The following KDM2B variants were observed in gnomAD, a reference collection of about 807,000 sequenced individuals.
KDM2B encodes the protein lysine demethylase 2B.
In KDM2B, 26 loss-of-function variants were observed where a neutral mutation model predicts 150.0. The observed-to-expected ratio is 0.17, with a 90% confidence interval of 0.13 to 0.24. KDM2B has a LOEUF of 0.24. Among genes scored for constraint, KDM2B ranks in the 10% least tolerant of loss-of-function variants. The pLI, the probability that KDM2B is intolerant of heterozygous loss-of-function variation, is 1.00. For synonymous variants in KDM2B, 734 were observed against 729.5 expected (o/e 1.01, Z -0.10); for missense variants, 1,265 against 1,816.9 (o/e 0.70, Z 5.52).
intron 9 of KDM2B, chr12:121,516,493 T>C: frequency 7.3e-7 from 1 of 1,378,598 alleles, no homozygotes; most frequent in Non-Finnish European, 9.5e-7. Flanking sequence ...CTTCCACCCT[T>C]CGCCTTCAAA....
chr12:121,578,125 G>T (rs1891632705), intron 2 of KDM2B, among the ~76,000 whole-genome samples: 1 of 152,214 alleles, frequency 6.6e-6, no homozygotes, highest in Non-Finnish European at 1.5e-5. Context: ...CTGAAGGGAA[G>T]TCACCCCCTG....
At chr12:121,528,848 G>A (rs973617574) in intron 8 of KDM2B, among the ~76,000 whole-genome samples, 1 of 152,126 alleles carries the variant, frequency 6.6e-6, no homozygotes, top group Non-Finnish European at 1.5e-5. Flanking sequence ...AGCTGAGATC[G>A]TGCCACTGCA....
chr12:121,560,440 T>C (rs1156372180), intron 4 of KDM2B, among the ~76,000 whole-genome samples: 4 of 152,040 alleles, frequency 2.6e-5, no homozygotes, highest in African/African-American at 9.7e-5. Context: ...TACACATAAA[T>C]AAAAACAAAA....
At chr12:121,478,279 C>T (rs1473588937) in intron 12 of KDM2B, among the ~76,000 whole-genome samples, 5 of 151,608 alleles carry the variant, frequency 3.3e-5, no homozygotes, top group African/African-American at 4.9e-5. Context: ...TTCGCCACTC[C>T]GGTAGTAAGC....
chr12:121,482,856 G>A (rs1260288704), intron 12 of KDM2B, among the ~76,000 whole-genome samples: 1 of 152,138 alleles, frequency 6.6e-6, no homozygotes, highest in Non-Finnish European at 1.5e-5. Flanking sequence ...TTGACAGGAT[G>A]CAAAAATGAA....
chr12:121,439,226 C>T (rs900646029), intron 22 of KDM2B, among the ~76,000 whole-genome samples: 12 of 152,146 alleles, frequency 7.9e-5, no homozygotes, highest in African/African-American at 2.9e-4. Flanking sequence ...CCCCCACTGT[C>T]TCAACACCCT....
At position 121,453,046 on chromosome 12, in the gene KDM2B, A is replaced by C. The variant is rs1322717930; in HGVS notation, c.1959+74T>G. ...TGTGTGCGGAGGGGCGGCCAGAGCGAGCAGCGGTCAGACACGCGGGCCGGC... is the reference window on the plus strand; with the variant it reads ...TGTGTGCGGAGGGGCGGCCAGAGCGCGCAGCGGTCAGACACGCGGGCCGGC... On this transcript the variant is annotated intron_variant, in intron 13 of 22. Transcript: ENST00000377071. The surrounding 1 kb of genome is among the most constrained non-coding windows in gnomAD (Gnocchi z 6.4). 1 of 1,300,124 alleles carries C rather than the reference A, an allele frequency of 7.7e-7. No individual in the cohort carries two copies. The highest frequency in any genetic ancestry group is 1.5e-5 in the African/African-American group (1 of 67,640). 80.5% of individuals were successfully genotyped at this position (1,300,124 alleles called of 1,614,324 possible).
the KDM2B span, among the ~76,000 whole-genome samples, chr12:121,421,371 T>TAC: frequency 0.031 from 1,451 of 46,332 alleles, 201 homozygotes; most frequent in African/African-American, 0.095. Context: ...ATCCCATCTC[T>TAC]AAAAAAAAAA....
intron 8 of KDM2B, among the ~76,000 whole-genome samples, chr12:121,527,414 A>G (rs1447963867): frequency 7.2e-6 from 1 of 139,780 alleles, no homozygotes; most frequent in Non-Finnish European, 1.5e-5. Context: ...TAATCCCAGC[A>G]CTTTGGGAGG....
the KDM2B span, among the ~76,000 whole-genome samples, chr12:121,410,363 C>G: frequency 6.6e-6 from 1 of 151,940 alleles, no homozygotes; most frequent in Admixed American, 6.6e-5. Flanking sequence ...ATGGTGAAAC[C>G]CCGTCTCTAC....
chr12:121,477,867 C>T (rs185988466), intron 12 of KDM2B, among the ~76,000 whole-genome samples: 13 of 151,670 alleles, frequency 8.6e-5, no homozygotes, highest in African/African-American at 2.9e-4. Flanking sequence ...TGTGAGCCAT[C>T]GTGCCCAGGC....
chr12:121,513,769 AC>A lies in KDM2B; in HGVS notation c.1048-368del, dbSNP rs1478353021. Among the ~76,000 whole-genome samples, 6 of 152,296 alleles carry A rather than the reference AC, an allele frequency of 3.9e-5. No homozygotes were observed. Among genetic ancestry groups the A allele is most frequent in the African/African-American group, 1.4e-4 (6 of 41,558 alleles). On this transcript the variant is annotated intron_variant, in intron 9 of 22. Transcript: ENST00000377071. This position sits in a 1 kb window ranked among gnomAD's most constrained non-coding sequence, Gnocchi z 5.0. ...GAGCCGCTGCCTGATTCTAGCTACA[AC>A]AGACATAGGTTCCTCCTTGTTTCTG...
chr12:121,424,516 G>A (rs1380628466), downstream of KDM2B, among the ~76,000 whole-genome samples: 1 of 152,046 alleles, frequency 6.6e-6, no homozygotes, highest in Non-Finnish European at 1.5e-5. Flanking sequence ...AGGAATGCTT[G>A]AGCTCACAAG....
chr12:121,430,655 C>T lies in KDM2B; in HGVS notation c.3830-186G>A, dbSNP rs567908589. 3.0e-5 allele frequency: 18 copies of T among 601,372 alleles called. No homozygotes were observed. Among genetic ancestry groups the T allele is most frequent in the Middle Eastern group, 4.4e-4 (1 of 2,272 alleles). 37.3% of individuals were successfully genotyped at this position (601,372 alleles called of 1,614,324 possible). ...TTCTTCAAACGGGGAAGGGTCTCACCCGCCAGGTATAAAGGTTAATATATG... is the reference window on the plus strand; with the variant it reads ...TTCTTCAAACGGGGAAGGGTCTCACTCGCCAGGTATAAAGGTTAATATATG... On this transcript the variant is annotated intron_variant, in intron 22 of 22. Coordinates refer to ENST00000377071, the MANE Select transcript of KDM2B (RefSeq NM_032590.5). The surrounding 1 kb of genome is among the most constrained non-coding windows in gnomAD (Gnocchi z 4.4).
intron 11 of KDM2B, among the ~76,000 whole-genome samples, chr12:121,501,863 C>T (rs960661426): frequency 3.0e-4 from 45 of 152,196 alleles, no homozygotes; most frequent in African/African-American, 1.1e-3. Flanking sequence ...CCTCATGATC[C>T]GCCCGCCTCG....
intron 12 of KDM2B, among the ~76,000 whole-genome samples, chr12:121,490,908 C>T (rs781783077): frequency 1.2e-4 from 18 of 152,088 alleles, no homozygotes; most frequent in East Asian, 1.9e-4. Flanking sequence ...TTAGGTAACC[C>T]GACCCAGATC....
intron 12 of KDM2B, 114 bp downstream of exon 12, chr12:121,494,465 G>T (rs1362075531): frequency 4.6e-5 from 31 of 678,680 alleles, no homozygotes; most frequent in South Asian, 4.3e-4. Context: ...CTTAACTGCG[G>T]TGCCTTCATC....
intron 12 of KDM2B, among the ~76,000 whole-genome samples, chr12:121,481,144 T>G (rs1555297805): frequency 4.6e-5 from 7 of 152,226 alleles, no homozygotes; most frequent in Non-Finnish European, 4.4e-5. Context: ...TTGGTCAGGC[T>G]GGTCTCCAAT....
intron 22 of KDM2B, among the ~76,000 whole-genome samples, chr12:121,436,337 C>A (rs184672992): frequency 0.026 from 3,997 of 152,076 alleles, 70 homozygotes; most frequent in Non-Finnish European, 0.042. Context: ...CTGGCTAACA[C>A]GGTGAAACCC....
Sources: allele counts gnomAD v4.1 joint callset (sites outside exome capture counted in the v4.1 genomes callset), GRCh38; gene constraint gnomAD v4.1.1; non-coding constraint Gnocchi (gnomAD v3.1); transcripts MANE v1.5; gene names NCBI Gene and HGNC (gene_info 2026-07-23, HGNC 2026-07-21).